CLEC2D: variants seen among roughly 807,000 people sequenced by gnomAD.
CLEC2D encodes the protein C-type lectin domain family 2 member D.
In CLEC2D, 16 loss-of-function variants were observed where a neutral mutation model predicts 20.0. That is an observed-to-expected ratio of 0.80 (90% confidence interval 0.54 to 1.22). The LOEUF (loss-of-function observed/expected upper bound fraction) is 1.22. Among genes scored for constraint, CLEC2D ranks in the 50% most tolerant of loss-of-function variants. The pLI, the probability that CLEC2D is intolerant of heterozygous loss-of-function variation, is 0.00. For synonymous variants in CLEC2D, 77 were observed against 71.1 expected, an observed-to-expected ratio of 1.08 and a Z score of -0.42; for missense variants, 207 against 221.5, an observed-to-expected ratio of 0.93 and a Z score of 0.42.
chr12:9,693,577 C>A, intron 4 of CLEC2D: 1 of 192,220 alleles, frequency 5.2e-6, no homozygotes, highest in Admixed American at 5.7e-5. Flanking sequence ...AAAAAGAGCC[C>A]CAGACTGGAC....
Position 9,692,851 on chromosome 12 carries a change from C to T in CLEC2D, c.381C>T (p.Gly127=). 3.1e-6 allele frequency: 5 copies of T among 1,612,198 alleles called. No homozygotes were observed. The highest frequency in any genetic ancestry group is 2.2e-5 in the East Asian group (1 of 44,788). Residue 127 remains glycine (G), a synonymous_variant, in exon 4 of 5, where the codon GGC becomes GGT. Transcript: ENST00000290855. ...QELNFLLRYK[G]PSDHWIGLSR... ...AGAATTTCCTGTTGAGATATAAAGG[C>T]CCATCTGATCACTGGATTGGGCTGA... is the stretch of plus-strand genomic sequence containing the variant.
intron 2 of CLEC2D, among the ~76,000 whole-genome samples, chr12:9,683,337 T>TTG (rs1865683236): frequency 4.9e-5 from 4 of 81,122 alleles, no homozygotes; most frequent in Admixed American, 1.3e-4. Flanking sequence ...TTGTGTTTGT[T>TTG]TTTTTTTTTT....
At chr12:9,691,205 A>G (rs763241187) in intron 3 of CLEC2D, among the ~76,000 whole-genome samples, 57 of 121,072 alleles carry the variant, frequency 4.7e-4, no homozygotes, top group Middle Eastern at 3.8e-3. Context: ...AAATTTTGAC[A>G]TAGCCAAATA....
rs1267989575 is a variant in CLEC2D at position 9,695,640 on chromosome 12, G to A, written c.*766G>A. 43 of 1,571,474 alleles carry A rather than the reference G, an allele frequency of 2.7e-5. No individual in the cohort carries two copies. The highest frequency in any genetic ancestry group is 2.0e-4 in the Middle Eastern group (1 of 5,066). On this transcript the variant is annotated 3_prime_UTR_variant, in exon 5 of 5. Coordinates refer to ENST00000290855, the MANE Select transcript of CLEC2D (RefSeq NM_013269.6). ...CTTTGAAAATGTCTGTACAGCCAAC[G>A]GTTTCTCTTGGGGGCTTTGAAATAA...
intron 4 of CLEC2D, chr12:9,693,688 A>T: frequency 3.2e-6 from 1 of 317,210 alleles, no homozygotes; most frequent in Middle Eastern, 1.1e-3. Flanking sequence ...ACATTGTTGT[A>T]TCTACACTGC....
chr12:9,685,464 G>C (rs986754914), intron 2 of CLEC2D, among the ~76,000 whole-genome samples: 5 of 152,222 alleles, frequency 3.3e-5, no homozygotes, highest in African/African-American at 1.2e-4. Context: ...CAGGTGCTCT[G>C]TCCCAGGGAG....
intron 1 of CLEC2D, among the ~76,000 whole-genome samples, chr12:9,671,179 C>G (rs770623871): frequency 9.8e-5 from 15 of 152,292 alleles, no homozygotes; most frequent in Middle Eastern, 3.4e-3. Context: ...TTTGGCCCCA[C>G]TCTCATGGAG....
rs1565475230 is a variant in CLEC2D at position 9,698,194 on chromosome 12, A to G, written c.*3320A>G. The G allele has an allele frequency of 6.6e-6, 1 of 152,220 alleles. No homozygotes were observed. Among genetic ancestry groups the G allele is most frequent in the East Asian group, 1.9e-4 (1 of 5,200 alleles). 9.4% of individuals were successfully genotyped at this position (152,220 alleles called of 1,614,324 possible). ...TATGGAATGATTAAATCAAACTAAC[A>G]TTTCATCATCTCACATACTTATCAT... On this transcript the variant is annotated 3_prime_UTR_variant, in exon 5 of 5. Transcript: ENST00000290855.
intron 1 of CLEC2D, among the ~76,000 whole-genome samples, chr12:9,671,958 G>T (rs1865433396): frequency 6.7e-6 from 1 of 148,778 alleles, no homozygotes; most frequent in Admixed American, 6.7e-5. Context: ...GAGAAAGGTA[G>T]TTTTTTTTTT....
In CLEC2D at chr12:9,669,775, C is replaced by T. The variant is rs369446619; in HGVS notation, c.41C>T (p.Ser14Phe). The T allele has an allele frequency of 4.2e-5, 67 of 1,613,548 alleles. No individual in the cohort carries two copies. The highest frequency in any genetic ancestry group is 5.3e-5 in the African/African-American group (4 of 74,858). Residue 14 changes from serine (S) to phenylalanine (F), a missense_variant, in exon 1 of 5, where the codon TCT (serine) becomes TTT (phenylalanine). Ser to Phe is a radical substitution (Grantham distance 155). Transcript: ENST00000290855. Reference protein sequence around the residue: ...SNNVEKDITPSELPANPGCLH... With the variant: ...SNNVEKDITPFELPANPGCLH... Reference sequence around the variant, plus strand: ...AATGTGGAGAAAGACATTACACCATCTGAATTGCCTGCAAACCCAGGTAAG... The same window carrying T: ...AATGTGGAGAAAGACATTACACCATTTGAATTGCCTGCAAACCCAGGTAAG...
chr12:9,680,205 G>A, intron 1 of CLEC2D: 4 of 329,670 alleles, frequency 1.2e-5, no homozygotes, highest in South Asian at 5.0e-5. Context: ...TCTGTCTCCT[G>A]CTGCCATGTG....
intron 4 of CLEC2D, chr12:9,693,634 G>T (rs995461956): frequency 4.5e-6 from 1 of 221,094 alleles, no homozygotes; most frequent in African/African-American, 2.4e-5. Flanking sequence ...TTTGACCTTG[G>T]ATGGGATGGT....
intron 1 of CLEC2D, among the ~76,000 whole-genome samples, chr12:9,673,538 C>A (rs1369207657): frequency 6.6e-6 from 1 of 152,254 alleles, no homozygotes; most frequent in Non-Finnish European, 1.5e-5. Context: ...GGCATGGGAT[C>A]AAGGACCCGC....
chr12:9,678,946 T>C (rs899732800), intron 1 of CLEC2D, among the ~76,000 whole-genome samples: 7 of 152,362 alleles, frequency 4.6e-5, no homozygotes, highest in Middle Eastern at 3.4e-3. Flanking sequence ...AATGTGATTT[T>C]AGTGGTTACC....
chr12:9,670,923 A>T (rs76036296), intron 1 of CLEC2D, among the ~76,000 whole-genome samples: 2,610 of 152,276 alleles, frequency 0.017, 81 homozygotes, highest in African/African-American at 0.06. Flanking sequence ...CTAGGCATGC[A>T]TAAGTTGAGG....
At chr12:9,688,861 C>T (rs1419926462) in intron 3 of CLEC2D, among the ~76,000 whole-genome samples, 1 of 152,106 alleles carries the variant, frequency 6.6e-6, no homozygotes, top group African/African-American at 2.4e-5. Flanking sequence ...TTGGAATTCT[C>T]GAGTCTAGTT....
intron 2 of CLEC2D, among the ~76,000 whole-genome samples, chr12:9,681,436 C>CA (rs1414782919): frequency 2.0e-5 from 3 of 152,182 alleles, no homozygotes; most frequent in Non-Finnish European, 4.4e-5. Context: ...GGCTGTATAA[C>CA]ATCACAGGCA....
chr12:9,697,194 T>C lies in CLEC2D; in HGVS notation c.*2320T>C, dbSNP rs1438480974. On this transcript the variant is annotated 3_prime_UTR_variant, in exon 5 of 5. Coordinates refer to ENST00000290855, the MANE Select transcript of CLEC2D (RefSeq NM_013269.6). ...CACTGTGACATGTTAGTGATGGCCA[T>C]AACACCCACGCTGGAAGGTTGTGGG... 1 of 152,134 alleles carries C rather than the reference T, an allele frequency of 6.6e-6. No homozygotes were observed. Among genetic ancestry groups the C allele is most frequent in the Non-Finnish European group, 1.5e-5 (1 of 68,030 alleles). 9.4% of individuals were successfully genotyped at this position (152,134 alleles called of 1,614,324 possible).
At chr12:9,671,132 G>T (rs1865411755) in intron 1 of CLEC2D, among the ~76,000 whole-genome samples, 1 of 152,104 alleles carries the variant, frequency 6.6e-6, no homozygotes, top group African/African-American at 2.4e-5. Context: ...TCATGTGGCA[G>T]ACGGACAGTG....
Sources: gnomAD v4.1 joint callset for allele counts (sites outside exome capture counted in the v4.1 genomes callset) on GRCh38, gnomAD v4.1.1 for gene constraint, MANE v1.5 for transcripts, NCBI Gene and HGNC (gene_info 2026-07-23, HGNC 2026-07-21) for gene names.